ADAMTS14: variants seen among roughly 807,000 people sequenced by gnomAD.
ADAMTS14 encodes the protein ADAM metallopeptidase with thrombospondin type 1 motif 14.
ADAMTS14 carries 100 observed loss-of-function variants against 128.6 expected under a neutral mutation model. The ratio of observed to expected loss-of-function variants is 0.78; its 90% confidence interval spans 0.66 to 0.92. The LOEUF (loss-of-function observed/expected upper bound fraction) is 0.92, where lower values mean the gene tolerates loss of function less well. ADAMTS14 is among the 40% of genes least tolerant of loss of function. The pLI is 0.00. For missense variants in ADAMTS14, 1,562 were observed against 1,658.6 expected (o/e 0.94, Z 1.01); for synonymous variants, 665 against 653.8 (o/e 1.02, Z -0.26).
At chr10:70,702,799 C>T (rs546362025) in intron 3 of ADAMTS14, among the ~76,000 whole-genome samples, 42 of 152,128 alleles carry the variant, frequency 2.8e-4, no homozygotes, top group East Asian at 7.7e-4. Flanking sequence ...GTTCTTCCCC[C>T]CTAAAATTGA....
At chr10:70,678,479 A>G (rs1224508664) in intron 2 of ADAMTS14, among the ~76,000 whole-genome samples, 36 of 126,828 alleles carry the variant, frequency 2.8e-4, no homozygotes, top group African/African-American at 1.0e-3. Context: ...TGCTGGGGTC[A>G]GGGGGTGGGG....
Position 70,705,917 on chromosome 10 carries a change from C to T in ADAMTS14, c.680-2671C>T, listed in dbSNP as rs150815755. Among the ~76,000 whole-genome samples, 193 of 152,260 alleles carry T rather than the reference C, an allele frequency of 1.3e-3. 1 individual carries two copies. The highest frequency in any genetic ancestry group is 4.2e-3 in the African/African-American group (174 of 41,558). ...ATGTGCAAGATTTTATGTGAACATA[C>T]GTTTTCAATTCTCTTGAGTACATAC... On this transcript the variant is annotated intron_variant, in intron 3 of 21. Coordinates refer to ENST00000373207, the MANE Select transcript of ADAMTS14 (RefSeq NM_080722.4).
chr10:70,702,802 A>C lies in ADAMTS14; in HGVS notation c.679+334A>C, dbSNP rs113769306. Among the ~76,000 whole-genome samples the C allele has an allele frequency of 2.3e-3, 355 of 152,238 alleles. 1 individual carries two copies. Among genetic ancestry groups the C allele is most frequent in the African/African-American group, 8.2e-3 (340 of 41,538 alleles). On this transcript the variant is annotated intron_variant, in intron 3 of 21. Coordinates refer to ENST00000373207, the MANE Select transcript of ADAMTS14 (RefSeq NM_080722.4). Reference sequence around the variant, plus strand: ...TGCCTGCAGTGAGTTCTTCCCCCCTAAAATTGACTCAACCCTTGGGAGCCA... The same window carrying C: ...TGCCTGCAGTGAGTTCTTCCCCCCTCAAATTGACTCAACCCTTGGGAGCCA...
intron 13 of ADAMTS14, 77 bp from the exon 14 acceptor site, chr10:70,743,989 G>A: frequency 1.3e-6 from 2 of 1,516,340 alleles, no homozygotes; most frequent in Non-Finnish European, 1.8e-6. Flanking sequence ...ACCAGGGCCT[G>A]GGGATGGGAA....
chr10:70,697,863 AC>A (rs1840379715), intron 2 of ADAMTS14, among the ~76,000 whole-genome samples: 1 of 152,204 alleles, frequency 6.6e-6, no homozygotes, highest in Admixed American at 6.5e-5. Flanking sequence ...CGAATGTGTT[AC>A]CTTTGCAACC....
rs144830999 is a variant in ADAMTS14 at position 70,753,936 on chromosome 10, C to T, written c.2866C>T (p.Arg956Trp). Residue 956 changes from arginine to tryptophan, a missense_variant, in exon 19 of 22, where the codon CGG (arginine) becomes TGG (tryptophan). Coordinates refer to ENST00000373207, the MANE Select transcript of ADAMTS14 (RefSeq NM_080722.4). ...GCCGGCCAAAGCCTGCGCCGGGGAC[C>T]GGCCTGAGGCCCGACGGCCCTGTCT... The part of the protein sequence containing the change: ...VMPAKACAGD[R>W]PEARRPCLRV... 49 of 1,587,510 alleles carry T rather than the reference C, an allele frequency of 3.1e-5. No homozygotes were observed. The highest frequency in any genetic ancestry group is 4.0e-5 in the African/African-American group (3 of 74,596).
intron 2 of ADAMTS14, among the ~76,000 whole-genome samples, chr10:70,687,381 G>A (rs1362219673): frequency 5.5e-4 from 34 of 61,854 alleles, no homozygotes; most frequent in African/African-American, 1.7e-3. Context: ...GCCGGGCAGA[G>A]GGGCTCCTCA....
chr10:70,759,175 G>C (rs937916897), intron 21 of ADAMTS14, among the ~76,000 whole-genome samples: 1 of 110,722 alleles, frequency 9.0e-6, no homozygotes, highest in Non-Finnish European at 1.9e-5. Context: ...GAGTGCCTGG[G>C]TTTCCTGCCG....
At chr10:70,689,225 C>G (rs1334624808) in intron 2 of ADAMTS14, among the ~76,000 whole-genome samples, 2 of 144,810 alleles carry the variant, frequency 1.4e-5, no homozygotes, top group Admixed American at 6.9e-5. Context: ...AAGCGGATCT[C>G]TCACAAGGGT....
At position 70,672,796 on chromosome 10, in the gene ADAMTS14, C is replaced by T; in HGVS notation, c.-7C>T. ...CGCTTGCCCAGCCCGCGTCCCAGCG[C>T]GGCCACATGGCTCCACTCCGCGCGC... On this transcript the variant is annotated 5_prime_UTR_variant, in exon 1 of 22. Coordinates refer to ENST00000373207, the MANE Select transcript of ADAMTS14 (RefSeq NM_080722.4). 6.7e-7 allele frequency: 1 copy of T among 1,502,138 alleles called. No homozygotes were observed. The highest frequency in any genetic ancestry group is 8.8e-7 in the Non-Finnish European group (1 of 1,129,954). 93.1% of individuals were successfully genotyped at this position (1,502,138 alleles called of 1,614,324 possible).
At chr10:70,678,660 G>T (rs946996876) in intron 2 of ADAMTS14, among the ~76,000 whole-genome samples, 3 of 152,134 alleles carry the variant, frequency 2.0e-5, no homozygotes, top group Non-Finnish European at 4.4e-5. Context: ...GTGGGGCAGG[G>T]ATGGGGTAGG....
At chr10:70,721,529 G>T (rs1820387876) in intron 4 of ADAMTS14, among the ~76,000 whole-genome samples, 1 of 151,810 alleles carries the variant, frequency 6.6e-6, no homozygotes, top group Non-Finnish European at 1.5e-5. Flanking sequence ...AGGACTACAG[G>T]TACCCGCCAC....
At chr10:70,683,624 TG>T (rs1564518386) in intron 2 of ADAMTS14, among the ~76,000 whole-genome samples, 1 of 152,226 alleles carries the variant, frequency 6.6e-6, no homozygotes, top group Non-Finnish European at 1.5e-5. Context: ...ATCATTCTTG[TG>T]TAACAAATCA....
Position 70,679,546 on chromosome 10 carries a change from G to T in ADAMTS14, c.522+4551G>T, listed in dbSNP as rs140415021. 2.8e-3 allele frequency among the ~76,000 whole-genome samples: 427 copies of T among 152,316 alleles called. 1 individual carries two copies. Among genetic ancestry groups the T allele is most frequent in the African/African-American group, 0.01 (418 of 41,564 alleles). On this transcript the variant is annotated intron_variant, in intron 2 of 21. Transcript: ENST00000373207. ...GGGGTCCCTGCTTCTCAGTGGGGCT[G>T]CATGCTCACTGTGCCCATCTAGAAT...
At chr10:70,714,946 CAAAAAAAAAA>C (rs58012076) in intron 4 of ADAMTS14, among the ~76,000 whole-genome samples, 2 of 63,056 alleles carry the variant, frequency 3.2e-5, no homozygotes, top group East Asian at 3.9e-4. Flanking sequence ...ACTGCAGTCT[CAAAAAAAAAA>C]AAAAAAAAAA....
At chr10:70,725,165 C>T (rs751126707) in intron 4 of ADAMTS14, among the ~76,000 whole-genome samples, 2 of 152,026 alleles carry the variant, frequency 1.3e-5, no homozygotes, top group Non-Finnish European at 2.9e-5. Context: ...GGTGTGCTTA[C>T]AGGGAAGTCC....
chr10:70,730,458 G>A (rs1484592324), intron 6 of ADAMTS14, among the ~76,000 whole-genome samples: 1 of 152,186 alleles, frequency 6.6e-6, no homozygotes, highest in African/African-American at 2.4e-5. Context: ...CCGATATTTT[G>A]GTGGAGGCTG....
rs1388282120 is a variant in ADAMTS14 at position 70,760,989 on chromosome 10, G to A, written c.*136G>A. The A allele has an allele frequency of 4.7e-6, 6 of 1,270,322 alleles. No homozygotes were observed. Among genetic ancestry groups the A allele is most frequent in the Non-Finnish European group, 6.3e-6 (6 of 958,108 alleles). The allele number at this position is 1,270,322 out of a possible 1,614,324, so 78.7% of individuals were successfully genotyped here. ...ATCATTCGCCTTCTTCTCGTTTGGG[G>A]CTGTGATGCTCTTTACCCCACAAAG... On this transcript the variant is annotated 3_prime_UTR_variant, in exon 22 of 22. Coordinates refer to ENST00000373207, the MANE Select transcript of ADAMTS14 (RefSeq NM_080722.4).
chr10:70,761,553 C>G lies in ADAMTS14; in HGVS notation c.*700C>G, dbSNP rs3740440. 65,888 of 151,996 alleles carry G rather than the reference C, an allele frequency of 0.43. 14,339 individuals are homozygous for G. The highest frequency in any genetic ancestry group is 0.46 in the Non-Finnish European group (31,573 of 67,974). The allele number at this position is 151,996 out of a possible 1,614,324, so 9.4% of individuals were successfully genotyped here. A position where few individuals can be genotyped will look rare whatever the true frequency, so the allele number is the denominator to read the frequency against. ...ATGTCACTAGTGTTACTTCTAGTGA[C>G]TCCAGATTACAGACTGGCCCCCCAA... On this transcript the variant is annotated 3_prime_UTR_variant, in exon 22 of 22. Coordinates refer to ENST00000373207, the MANE Select transcript of ADAMTS14 (RefSeq NM_080722.4).
Sources: gnomAD v4.1 joint callset for allele counts (sites outside exome capture counted in the v4.1 genomes callset) on GRCh38, gnomAD v4.1.1 for gene constraint, MANE v1.5 for transcripts, NCBI Gene and HGNC (gene_info 2026-07-23, HGNC 2026-07-21) for gene names.